Variants in TTC39B observed in about 807,000 individuals in gnomAD.
TTC39B encodes the protein tetratricopeptide repeat protein 39B.
TTC39B carries 92 observed loss-of-function variants against 96.6 expected under a neutral mutation model. The ratio of observed to expected loss-of-function variants is 0.95; its 90% CI spans 0.80 to 1.13. The LOEUF (loss-of-function observed/expected upper bound fraction) is 1.13. TTC39B is among the 50% of genes most tolerant of loss of function. The probability of loss-of-function intolerance (pLI) is 0.00; values close to 1 mark genes in which losing one functional copy is unlikely to be tolerated. For missense variants in TTC39B, 955 were observed against 809.3 expected (o/e 1.18, Z -2.18); for synonymous variants, 367 against 299.4 (o/e 1.23, Z -2.33).
intron 2 of TTC39B, among the ~76,000 whole-genome samples, chr9:15,240,783 T>C (rs1281047266): frequency 6.6e-6 from 1 of 152,220 alleles, no homozygotes; most frequent in African/African-American, 2.4e-5. Flanking sequence ...TTAGACCTTT[T>C]AGAAGTCTTC....
chr9:15,257,957 G>C (rs1184545157), intron 2 of TTC39B, among the ~76,000 whole-genome samples: 2 of 152,116 alleles, frequency 1.3e-5, no homozygotes, highest in Admixed American at 1.3e-4. Context: ...TACTCAGGAA[G>C]GCTGAGGCAG....
At chr9:15,218,635 A>AAAAAATATATATATATATATATAT (rs374054306) in intron 3 of TTC39B, among the ~76,000 whole-genome samples, 1 of 149,448 alleles carries the variant, frequency 6.7e-6, no homozygotes, top group African/African-American at 2.5e-5. Flanking sequence ...GTCTATTTTA[A>AAAAAATATATATATATATATATAT]ATATATATAT....
At chr9:15,236,983 A>G (rs1821811449) in intron 2 of TTC39B, among the ~76,000 whole-genome samples, 1 of 151,526 alleles carries the variant, frequency 6.6e-6, no homozygotes, top group Admixed American at 6.6e-5. Flanking sequence ...GATCAGAACA[A>G]AACTAAATGA....
chr9:15,294,028 G>A (rs1351069402), intron 1 of TTC39B, among the ~76,000 whole-genome samples: 2 of 152,128 alleles, frequency 1.3e-5, no homozygotes, highest in South Asian at 2.1e-4. Flanking sequence ...ACTGATTCAC[G>A]AATCTTTCAT....
At chr9:15,238,850 G>A (rs1011529711) in intron 2 of TTC39B, among the ~76,000 whole-genome samples, 1 of 152,138 alleles carries the variant, frequency 6.6e-6, no homozygotes, top group Non-Finnish European at 1.5e-5. Flanking sequence ...TCTGGGCGTG[G>A]TATCACATGC....
intron 2 of TTC39B, among the ~76,000 whole-genome samples, chr9:15,234,309 G>A (rs1249429086): frequency 5.1e-5 from 5 of 97,606 alleles, no homozygotes; most frequent in Non-Finnish European, 9.3e-5. Flanking sequence ...GAGGGAAGTC[G>A]GGGGGTCAGC....
At chr9:15,281,713 G>A (rs1257309686) in intron 1 of TTC39B, among the ~76,000 whole-genome samples, 5 of 144,544 alleles carry the variant, frequency 3.5e-5, no homozygotes, top group Admixed American at 7.1e-5. Flanking sequence ...GTCTCACTCT[G>A]TCACTCACGC....
intron 2 of TTC39B, among the ~76,000 whole-genome samples, chr9:15,228,126 C>T (rs1047379882): frequency 5.9e-5 from 9 of 151,880 alleles, no homozygotes; most frequent in African/African-American, 2.2e-4. Context: ...TAGATATAAA[C>T]ATAAATTTGG....
At chr9:15,224,773 G>A (rs1330191614) in intron 3 of TTC39B, among the ~76,000 whole-genome samples, 1 of 151,978 alleles carries the variant, frequency 6.6e-6, no homozygotes, top group East Asian at 1.9e-4. Context: ...TCCATGAGCA[G>A]GAATTTTACA....
intron 1 of TTC39B, among the ~76,000 whole-genome samples, chr9:15,280,251 T>C (rs1407106188): frequency 6.6e-6 from 1 of 152,154 alleles, no homozygotes; most frequent in Non-Finnish European, 1.5e-5. Flanking sequence ...TGACATATTG[T>C]CTAAGGCTGC....
At chr9:15,175,400 T>A (rs1817880531) in intron 18 of TTC39B, among the ~76,000 whole-genome samples, 1 of 152,138 alleles carries the variant, frequency 6.6e-6, no homozygotes, top group South Asian at 2.1e-4. Flanking sequence ...ATACGGATCT[T>A]TAAAGATTAA....
intron 1 of TTC39B, among the ~76,000 whole-genome samples, chr9:15,303,039 G>A (rs1384246862): frequency 2.6e-5 from 4 of 151,508 alleles, no homozygotes; most frequent in African/African-American, 7.3e-5. Flanking sequence ...GTGGTGGCAC[G>A]CACATGTAGT....
chr9:15,267,399 T>C (rs1230518618), intron 2 of TTC39B, among the ~76,000 whole-genome samples: 4 of 152,224 alleles, frequency 2.6e-5, no homozygotes, highest in African/African-American at 7.2e-5. Context: ...TTAGAAATAA[T>C]TCAAAATATA....
chr9:15,284,980 G>A (rs1444223960), intron 1 of TTC39B, among the ~76,000 whole-genome samples: 14 of 151,890 alleles, frequency 9.2e-5, no homozygotes, highest in Admixed American at 6.5e-5. Context: ...AGATCCTTTC[G>A]GCCGAGCTCG....
intron 18 of TTC39B, among the ~76,000 whole-genome samples, chr9:15,176,422 G>A (rs1817941255): frequency 6.6e-6 from 1 of 152,106 alleles, no homozygotes; most frequent in Non-Finnish European, 1.5e-5. Flanking sequence ...AGTACATTTG[G>A]GAAGTAGATA....
At chr9:15,245,777 C>A (rs919342109) in intron 2 of TTC39B, among the ~76,000 whole-genome samples, 9 of 152,144 alleles carry the variant, frequency 5.9e-5, no homozygotes, top group African/African-American at 2.2e-4. Context: ...TCCATCCATA[C>A]CACTTGGTCA....
At chr9:15,299,652 T>TA (rs1824513738) in intron 1 of TTC39B, among the ~76,000 whole-genome samples, 1 of 152,138 alleles carries the variant, frequency 6.6e-6, no homozygotes, top group Admixed American at 6.5e-5. Flanking sequence ...CTTTGGGAAG[T>TA]GAATACAAAG....
At chr9:15,240,196 C>G (rs1586941941) in intron 2 of TTC39B, among the ~76,000 whole-genome samples, 1 of 152,242 alleles carries the variant, frequency 6.6e-6, no homozygotes, top group East Asian at 1.9e-4. Context: ...CAACTCCAAT[C>G]CCATTTTGCC....
intron 2 of TTC39B, among the ~76,000 whole-genome samples, chr9:15,241,241 C>G (rs1822024873): frequency 6.6e-6 from 1 of 151,394 alleles, no homozygotes; most frequent in Non-Finnish European, 1.5e-5. Context: ...TTCCCTTTAT[C>G]ATGTGTTTTA....
Sources: gnomAD v4.1 joint callset for allele counts (sites outside exome capture counted in the v4.1 genomes callset) on GRCh38, gnomAD v4.1.1 for gene constraint, MANE v1.5 for transcripts, NCBI Gene and HGNC (gene_info 2026-07-23, HGNC 2026-07-21) for gene names.